GLI1: variants seen among roughly 807,000 people sequenced by gnomAD.
GLI1 encodes the protein GLI family zinc finger 1.
In GLI1, 51 loss-of-function variants were observed where a neutral mutation model predicts 87.8. That is an observed-to-expected ratio of 0.58 (90% CI 0.46 to 0.73). The LOEUF is 0.73. Ranked by LOEUF, GLI1 falls within the 30% of genes least tolerant of loss-of-function variation. GLI1 has a pLI of 0.00. For synonymous variants in GLI1, 528 were observed against 558.2 expected, an observed-to-expected ratio of 0.95 and a Z score of 0.76; for missense variants, 1,292 against 1,437.2, an observed-to-expected ratio of 0.90 and a Z score of 1.63.
Position 57,470,341 on chromosome 12 carries a change from G to GC in GLI1, c.1607dup (p.Val537SerfsTer4). On this transcript the variant is annotated frameshift_variant, in exon 12 of 12. Transcript: ENST00000228682. LOFTEE classifies it high-confidence loss of function. ...GGTACCACTGTGTCCCGCCGCGTGG[G>GC]CCCCCCAGTCTCTCTTGAACGCCGC... 6.3e-7 allele frequency: 1 copy of GC among 1,577,646 alleles called. No homozygotes were observed. The highest frequency in any genetic ancestry group is 8.6e-7 in the Non-Finnish European group (1 of 1,161,062).
At chr12:57,470,287 C>T in intron 11 of GLI1, 30 bp from the exon 12 acceptor site, 1 of 1,509,442 alleles carries the variant, frequency 6.6e-7, no homozygotes, top group South Asian at 1.3e-5. Flanking sequence ...GCTCCTTGAC[C>T]ATCCTACCTT....
chr12:57,469,648 T>C lies in GLI1; in HGVS notation c.1526T>C (p.Leu509Pro). ...CTCAGGCTGGACCAGCTACATCAAC[T>C]CCGGCCAATAGGGACCCGGGGTCTC... Reference protein sequence around the residue: ...ENLRLDQLHQLRPIGTRGLKL... With the variant: ...ENLRLDQLHQPRPIGTRGLKL... The change falls in exon 11 of 12, where the codon CTC becomes CCC. Residue 509 changes from leucine to proline, a missense_variant. By Grantham distance (98) the Leu-to-Pro change is moderately conservative. Around this residue, in one of 3 missense-constraint regions of GLI1, gnomAD observed 897 missense variants for 1,040.7 expected, o/e 0.86. Transcript: ENST00000228682. 2 of 1,614,004 alleles carry C rather than the reference T, an allele frequency of 1.2e-6. No homozygotes were observed. The highest frequency in any genetic ancestry group is 1.7e-6 in the Non-Finnish European group (2 of 1,180,012).
Position 57,470,536 on chromosome 12 carries a change from G to A in GLI1, c.1796G>A (p.Gly599Asp), listed in dbSNP as rs1416740082. 4 of 1,614,094 alleles carry A rather than the reference G, an allele frequency of 2.5e-6. No individual in the cohort carries two copies. The South Asian group carries it at 3.3e-5, about 13-fold the overall frequency. Residue 599 changes from glycine to aspartate, a missense_variant, in exon 12 of 12, where the codon GGT (glycine) becomes GAT (aspartate). By Grantham distance (94) the Gly-to-Asp change is moderately conservative. Coordinates refer to ENST00000228682, the MANE Select transcript of GLI1 (RefSeq NM_005269.3). ...GCAAGATATGCTTCAGCCAGAGGGG[G>A]TGGTACTTCGCCCACTGCAGCATCC... ...LRARYASARG[G>D]GTSPTAASSL... is the part of the protein sequence containing the mutation.
In GLI1 at chr12:57,464,745, C is replaced by T. The variant is rs746964085; in HGVS notation, c.266C>T (p.Ser89Leu). ...KKRALSISPL[S>L]DASLDLQTVI... ...CGGGCACTGTCCATCTCACCTCTGT[C>T]GGATGCCAGCCTGGACCTGCAGACG... Residue 89 changes from serine (S) to leucine (L), a missense_variant, in exon 4 of 12, where the codon TCG (serine) becomes TTG (leucine). Physicochemically the swap from Ser to Leu is moderately radical, Grantham distance 145. This residue lies in a region of GLI1 where 383 missense variants were observed against 368.4 expected (regional missense o/e 1.04). Coordinates refer to ENST00000228682, the MANE Select transcript of GLI1 (RefSeq NM_005269.3). 12 of 1,613,864 alleles carry T rather than the reference C, an allele frequency of 7.4e-6. No individual in the cohort carries two copies. Among genetic ancestry groups the T allele is most frequent in the South Asian group, 2.2e-5 (2 of 91,080 alleles).
intron 8 of GLI1, among the ~76,000 whole-genome samples, chr12:57,466,838 A>T (rs1276273229): frequency 2.0e-5 from 3 of 152,150 alleles, no homozygotes; most frequent in Non-Finnish European, 4.4e-5. Flanking sequence ...AAGGAGGTGG[A>T]GGTTGCAGTG....
chr12:57,471,947 C>A lies in GLI1; in HGVS notation c.3207C>A (p.Gly1069=). The A allele has an allele frequency of 6.2e-7, 1 of 1,610,716 alleles. No individual in the cohort carries two copies. The highest frequency in any genetic ancestry group is 1.3e-5 in the African/African-American group (1 of 74,914). ...CTCCTCCTTCCCATGATCAGCGGGG[C>A]AGCTCTGGACATACCCCACCTCCCT... is the stretch of plus-strand genomic sequence containing the variant. The part of the protein sequence containing the change: ...LSPPPSHDQR[G]SSGHTPPPSG... The change falls in exon 12 of 12, where the codon GGC becomes GGA. Residue 1069 remains glycine, a synonymous_variant. Coordinates refer to ENST00000228682, the MANE Select transcript of GLI1 (RefSeq NM_005269.3). The surrounding 1 kb of genome is among the most constrained non-coding windows in gnomAD (Gnocchi z 4.9).
intron 9 of GLI1, 67 bp downstream of exon 9, chr12:57,467,564 G>T (rs1192826514): frequency 2.1e-5 from 28 of 1,348,674 alleles, no homozygotes; most frequent in Non-Finnish European, 2.8e-5. Context: ...TCCCCCATAA[G>T]AAATCCCTTA....
In GLI1 at chr12:57,468,072, G is replaced by C; in HGVS notation, c.1156G>C (p.Val386Leu). ...PSSLRKHVKT[V>L]HGPDAHVTKR... Reference sequence around the variant, plus strand: ...CTCGCTGCGAAAACATGTCAAGACAGTGCATGGTCCTGACGCCCATGTGAC... The same window carrying C: ...CTCGCTGCGAAAACATGTCAAGACACTGCATGGTCCTGACGCCCATGTGAC... Residue 386 changes from valine to leucine, a missense_variant, in exon 10 of 12, where the codon GTG (valine) becomes CTG (leucine). Around this residue, in one of 3 missense-constraint regions of GLI1, gnomAD observed 897 missense variants for 1,040.7 expected, o/e 0.86. Coordinates refer to ENST00000228682, the MANE Select transcript of GLI1 (RefSeq NM_005269.3). The C allele has an allele frequency of 1.9e-6, 3 of 1,614,116 alleles. No individual in the cohort carries two copies. Among genetic ancestry groups the C allele is most frequent in the Non-Finnish European group, 2.5e-6 (3 of 1,179,922 alleles).
Position 57,469,706 on chromosome 12 carries a change from C to G in GLI1, c.1576+8C>G. ...CCAGCTTGTCCCACACCGGTGAGAC[C>G]TGGGTGTGGGAGGTGTGGCTGGGGT... On this transcript the variant is annotated splice_region_variant and intron_variant, in intron 11 of 11. Transcript: ENST00000228682. 1.2e-6 allele frequency: 2 copies of G among 1,611,870 alleles called. No homozygotes were observed. The highest frequency in any genetic ancestry group is 1.7e-6 in the Non-Finnish European group (2 of 1,179,022).
In GLI1 at chr12:57,464,050, A is replaced by ATGT; in HGVS notation, c.152_153insTGT (p.His51_Ser52insVal). ...CAAGCTAACCTCATGTCCGGCCCCC[A>ATGT]CAGTTATGGGCCAGCCAGAGAGACC... On this transcript the variant is annotated inframe_insertion, in exon 3 of 12. Transcript: ENST00000228682. The ATGT allele has an allele frequency of 6.2e-7, 1 of 1,613,744 alleles. No individual in the cohort carries two copies. Among genetic ancestry groups the ATGT allele is most frequent in the Non-Finnish European group, 8.5e-7 (1 of 1,179,786 alleles).
intron 3 of GLI1, among the ~76,000 whole-genome samples, chr12:57,464,383 G>A (rs578106450): frequency 1.3e-5 from 2 of 152,274 alleles, no homozygotes; most frequent in Non-Finnish European, 2.9e-5. Context: ...TTAGCCGGGC[G>A]TGGTGGCTTG....
chr12:57,464,636 C>T, intron 3 of GLI1, 37 bp from the exon 4 acceptor site: 2 of 1,506,998 alleles, frequency 1.3e-6, no homozygotes, highest in Admixed American at 1.7e-5. Context: ...GAGACATGCC[C>T]CTTTACCATA....
At position 57,465,595 on chromosome 12, in the gene GLI1, C is replaced by A; in HGVS notation, c.535-12C>A. 2 of 1,609,372 alleles carry A rather than the reference C, an allele frequency of 1.2e-6. No individual in the cohort carries two copies. Among genetic ancestry groups the A allele is most frequent in the Non-Finnish European group, 1.7e-6 (2 of 1,175,926 alleles). ...TCCACCCTCATCACCGTCACCTCTT[C>A]CCCTGGGGAAGCTGAAGTCTGAGCT... On this transcript the variant is annotated splice_polypyrimidine_tract_variant and intron_variant, in intron 5 of 11. Coordinates refer to ENST00000228682, the MANE Select transcript of GLI1 (RefSeq NM_005269.3).
intron 10 of GLI1, 143 bp downstream of exon 10, chr12:57,468,367 T>C: frequency 1.6e-6 from 1 of 608,674 alleles, no homozygotes; most frequent in South Asian, 2.1e-5. Context: ...TTAGTGTTGC[T>C]CTTTGGGCTT....
intron 1 of GLI1, among the ~76,000 whole-genome samples, chr12:57,462,362 C>G (rs1871194156): frequency 6.6e-6 from 1 of 152,106 alleles, no homozygotes; most frequent in Non-Finnish European, 1.5e-5. Context: ...GTTCCGCTCC[C>G]CATCTCACCC....
rs1296211279 is a variant in GLI1 at position 57,471,303 on chromosome 12, TCTC to T, written c.2568_2570del (p.Pro857del). The stretch of plus-strand genomic sequence containing the variant: ...TCTCTTTTCCCATTACCCCCAGCCC[TCTC>T]CTCCCCAATATCTCCAGTCAGGCCC... On this transcript the variant is annotated inframe_deletion, in exon 12 of 12. Coordinates refer to ENST00000228682, the MANE Select transcript of GLI1 (RefSeq NM_005269.3). The surrounding 1 kb of genome is among the most constrained non-coding windows in gnomAD (Gnocchi z 4.9). 9 of 1,564,496 alleles carry T rather than the reference TCTC, an allele frequency of 5.8e-6. No individual in the cohort carries two copies. Among genetic ancestry groups the T allele is most frequent in the East Asian group, 4.5e-5 (2 of 44,356 alleles).
chr12:57,469,095 C>T (rs1871696005), intron 10 of GLI1, among the ~76,000 whole-genome samples: 1 of 152,150 alleles, frequency 6.6e-6, no homozygotes, highest in South Asian at 2.1e-4. Context: ...AAGCCTTTTA[C>T]ATGTATAATT....
At chr12:57,466,509 A>T in intron 8 of GLI1, 120 bp downstream of exon 8, 2 of 682,086 alleles carry the variant, frequency 2.9e-6, no homozygotes, top group Non-Finnish European at 4.9e-6. Flanking sequence ...AATATTAAAA[A>T]TAATGTTTGT....
rs1566559797 is a variant in GLI1 at position 57,465,826 on chromosome 12, C to CGA, written c.671_672dup (p.Glu225ArgfsTer56). ...GGATGCTGGATGGGCGGGAGGACCT[C>CGA]GAGAGAGAGGAGAAGCGTGAGCCTG... is the stretch of plus-strand genomic sequence containing the variant. On this transcript the variant is annotated frameshift_variant, in exon 7 of 12. Transcript: ENST00000228682. LOFTEE classifies it high-confidence loss of function. 6.2e-7 allele frequency: 1 copy of CGA among 1,614,078 alleles called. No homozygotes were observed. Among genetic ancestry groups the CGA allele is most frequent in the Non-Finnish European group, 8.5e-7 (1 of 1,179,946 alleles).
Sources: allele counts gnomAD v4.1 joint callset (sites outside exome capture counted in the v4.1 genomes callset), GRCh38; gene constraint gnomAD v4.1.1; regional missense constraint gnomAD v4.1.1; non-coding constraint Gnocchi (gnomAD v3.1); transcripts MANE v1.5; gene names NCBI Gene and HGNC (gene_info 2026-07-23, HGNC 2026-07-21).